The following HNRNPA2B1 variants were observed in gnomAD, a reference collection of about 807,000 sequenced individuals.
HNRNPA2B1 encodes heterogeneous nuclear ribonucleoprotein A2/B1, also known as heterogeneous nuclear ribonucleoproteins A2/B1.
A neutral mutation model predicts 46.3 loss-of-function variants in HNRNPA2B1; 3 were observed. That is an observed-to-expected ratio of 0.06 (90% CI 0.03 to 0.17). HNRNPA2B1 has a LOEUF of 0.17. Ranked by LOEUF, HNRNPA2B1 falls within the 10% of genes least tolerant of loss-of-function variation. The pLI, the probability that HNRNPA2B1 is intolerant of heterozygous loss-of-function variation, is 1.00. For missense variants in HNRNPA2B1, 221 were observed against 418.9 expected (o/e 0.53, Z 4.12); for synonymous variants, 225 against 133.8 (o/e 1.68, Z -4.70).
chr7:26,198,083 G>T, intron 1 of HNRNPA2B1: 1 of 381,378 alleles, frequency 2.6e-6, no homozygotes, highest in Non-Finnish European at 4.6e-6. Context: ...ATTATCAAAG[G>T]ATTATTAAAG....
rs1246188236 is a variant in HNRNPA2B1 at position 26,190,079 on chromosome 7, A to G, written c.*2281T>C. The G allele has an allele frequency of 6.6e-6, 1 of 152,642 alleles. No homozygotes were observed. Among genetic ancestry groups the G allele is most frequent in the Non-Finnish European group, 1.5e-5 (1 of 68,020 alleles). The allele number at this position is 152,642 out of a possible 1,614,324, so 9.5% of individuals were successfully genotyped here. A position where few individuals can be genotyped will look rare whatever the true frequency, so the allele number is the denominator to read the frequency against. ...TGATCTTTTAGACAACCAAATATTT[A>G]TAGAACAAGATTCACACATTTTATG... On this transcript the variant is annotated 3_prime_UTR_variant, in exon 11 of 11. Transcript: ENST00000618183.
intron 6 of HNRNPA2B1, 100 bp from the exon 7 acceptor site, chr7:26,196,009 G>A: frequency 2.8e-6 from 4 of 1,449,596 alleles, no homozygotes; most frequent in Admixed American, 2.8e-5. Context: ...CAATAATTAA[G>A]AACCGCAGAA....
At chr7:26,196,747 T>C (rs773364475) in intron 4 of HNRNPA2B1, 60 bp downstream of exon 4, 63 of 1,564,224 alleles carry the variant, frequency 4.0e-5, no homozygotes, top group Non-Finnish European at 5.4e-5. Flanking sequence ...TTACAGATGT[T>C]AACATACACA....
chr7:26,200,624 G>A lies in HNRNPA2B1; in HGVS notation c.-47C>T, dbSNP rs540482661. ...CCGATTTCCCGCAGCCGAGCGAGAT[G>A]AGAGAGATCTCCGCGGACGAACACG... On this transcript the variant is annotated 5_prime_UTR_variant, in exon 1 of 11. Coordinates refer to ENST00000618183, the MANE Select transcript of HNRNPA2B1 (RefSeq NM_002137.4). 8 of 1,613,016 alleles carry A rather than the reference G, an allele frequency of 5.0e-6. No individual in the cohort carries two copies. Among genetic ancestry groups the A allele is most frequent in the South Asian group, 4.4e-5 (4 of 91,084 alleles).
intron 1 of HNRNPA2B1, 191 bp downstream of exon 1, chr7:26,200,381 T>G (rs1053104794): frequency 1.5e-6 from 1 of 664,818 alleles, no homozygotes; most frequent in Non-Finnish European, 2.7e-6. Flanking sequence ...GCCGGGAGGC[T>G]GAGGGTGGGG....
Position 26,196,889 on chromosome 7 carries a change from T to G in HNRNPA2B1, c.393A>C (p.Ile131=), listed in dbSNP as rs1583992323. Residue 131 remains isoleucine, a synonymous_variant, in exon 4 of 11, where the codon ATA becomes ATC. Coordinates refer to ENST00000618183, the MANE Select transcript of HNRNPA2B1 (RefSeq NM_002137.4). The part of the protein sequence containing the change: ...EEYGKIDTIE[I]ITDRQSGKKR... ...TCTTTCCAGACTGCCTATCAGTAATTATCTCAATGGTATCAATTTTTCCAT... is the reference window on the plus strand; with the variant it reads ...TCTTTCCAGACTGCCTATCAGTAATGATCTCAATGGTATCAATTTTTCCAT... 1.2e-6 allele frequency: 2 copies of G among 1,613,986 alleles called. No individual in the cohort carries two copies. The highest frequency in any genetic ancestry group is 1.7e-6 in the Non-Finnish European group (2 of 1,179,900).
intron 1 of HNRNPA2B1, 21 bp downstream of exon 1, chr7:26,200,551 C>G: frequency 6.2e-7 from 1 of 1,612,854 alleles, no homozygotes; most frequent in African/African-American, 1.3e-5. Flanking sequence ...TTCAATAACT[C>G]ATTGATTTCA....
intron 7 of HNRNPA2B1, among the ~76,000 whole-genome samples, chr7:26,195,121 TAAAA>T (rs779105929): frequency 5.1e-5 from 6 of 118,734 alleles, no homozygotes; most frequent in African/African-American, 9.4e-5. Context: ...GAAACCATAT[TAAAA>T]AAAAAAAAAA....
At chr7:26,194,733 T>G (rs1783320899) in intron 7 of HNRNPA2B1, among the ~76,000 whole-genome samples, 1 of 151,720 alleles carries the variant, frequency 6.6e-6, no homozygotes, top group African/African-American at 2.4e-5. Flanking sequence ...CAGTATGTTC[T>G]TTACTGTAAA....
intron 10 of HNRNPA2B1, 37 bp from the exon 11 acceptor site, chr7:26,192,375 G>A (rs1782995896): frequency 2.8e-6 from 2 of 713,076 alleles, no homozygotes; most frequent in Non-Finnish European, 4.9e-6. Context: ...AAAAAAATAG[G>A]TTATGAAATT....
At chr7:26,198,832 A>T (rs751148065) in intron 1 of HNRNPA2B1, 1 of 152,254 alleles carries the variant, frequency 6.6e-6, no homozygotes, top group Non-Finnish European at 1.5e-5. Context: ...TTTTGTTCCT[A>T]GCAAGCAGCA....
chr7:26,198,017 AAAT>A (rs959915118), intron 1 of HNRNPA2B1: 6 of 446,140 alleles, frequency 1.3e-5, no homozygotes, highest in African/African-American at 1.2e-4. Context: ...AAATTATCTT[AAAT>A]TATTAATTAA....
intron 1 of HNRNPA2B1, 85 bp downstream of exon 1, chr7:26,200,487 A>G: frequency 1.4e-6 from 2 of 1,384,378 alleles, no homozygotes; most frequent in Non-Finnish European, 2.0e-6. Context: ...CCTCTCTCCC[A>G]CGGAGGCGGC....
At chr7:26,197,271 A>G (rs1783755037) in intron 3 of HNRNPA2B1, 44 bp downstream of exon 3, 4 of 1,552,992 alleles carry the variant, frequency 2.6e-6, no homozygotes, top group Non-Finnish European at 3.5e-6. Context: ...TCAGCAGGGC[A>G]GCGTTCTTCA....
Position 26,191,732 on chromosome 7 carries a change from T to G in HNRNPA2B1, c.*628A>C, listed in dbSNP as rs1218735430. ...CCTGATGAATTGCAGACAACACACTTACATCTGACCAGCATTTATCTTATA... is the reference window on the plus strand; with the variant it reads ...CCTGATGAATTGCAGACAACACACTGACATCTGACCAGCATTTATCTTATA... On this transcript the variant is annotated 3_prime_UTR_variant, in exon 11 of 11. Coordinates refer to ENST00000618183, the MANE Select transcript of HNRNPA2B1 (RefSeq NM_002137.4). 1 of 152,344 alleles carries G rather than the reference T, an allele frequency of 6.6e-6. No homozygotes were observed. The highest frequency in any genetic ancestry group is 1.5e-5 in the Non-Finnish European group (1 of 68,022). 9.4% of individuals were successfully genotyped at this position (152,344 alleles called of 1,614,324 possible).
intron 1 of HNRNPA2B1, chr7:26,200,311 CG>C: frequency 1.8e-6 from 1 of 542,234 alleles, no homozygotes; most frequent in East Asian, 3.1e-5. Context: ...TTCACCCCAG[CG>C]GGGCAGCGTC....
At chr7:26,192,664 C>T in intron 9 of HNRNPA2B1, 87 bp from the exon 10 acceptor site, 1 of 1,085,230 alleles carries the variant, frequency 9.2e-7, no homozygotes, top group Non-Finnish European at 1.4e-6. Flanking sequence ...TATTTTATAT[C>T]CATCCAGTCT....
intron 1 of HNRNPA2B1, chr7:26,198,898 CA>C (rs1202866606): frequency 1.3e-5 from 2 of 152,190 alleles, no homozygotes; most frequent in African/African-American, 4.8e-5. Flanking sequence ...CGCATGCTCC[CA>C]ACTCCTAAAA....
chr7:26,197,396 A>G lies in HNRNPA2B1; in HGVS notation c.183T>C (p.Ala61=), dbSNP rs749378904. ...TTGCAGCCATGGCAGCATCAACCTC[A>G]GCCATGGATGAAAAAGTTACAAAAC... ...GFGFVTFSSM[A]EVDAAMAARP... is the part of the protein sequence containing the mutation. The change falls in exon 3 of 11, where the codon GCT becomes GCC. Residue 61 remains alanine (A), a synonymous_variant. Transcript: ENST00000618183. 1 of 1,614,038 alleles carries G rather than the reference A, an allele frequency of 6.2e-7. No homozygotes were observed. Among genetic ancestry groups the G allele is most frequent in the East Asian group, 2.2e-5 (1 of 44,886 alleles).
Sources: gnomAD v4.1 joint callset for allele counts (sites outside exome capture counted in the v4.1 genomes callset) on GRCh38, gnomAD v4.1.1 for gene constraint, MANE v1.5 for transcripts, NCBI Gene and HGNC (gene_info 2026-07-23, HGNC 2026-07-21) for gene names.